The following NEDD4 variants were observed in gnomAD, a reference collection of about 807,000 sequenced individuals.
NEDD4 encodes the protein NEDD4 E3 ubiquitin protein ligase, also known as E3 ubiquitin-protein ligase NEDD4.
NEDD4 carries 99 observed loss-of-function variants against 144.9 expected under a neutral mutation model. That is an observed-to-expected ratio of 0.68 (90% CI 0.58 to 0.81). The LOEUF is 0.81. Ranked by LOEUF, NEDD4 falls within the 30% of genes least tolerant of loss-of-function variation. The pLI, the probability that NEDD4 is intolerant of heterozygous loss-of-function variation, is 0.00. For synonymous variants in NEDD4, 318 were observed against 350.6 expected (o/e 0.91, Z 1.04); for missense variants, 985 against 1,065.9 (o/e 0.92, Z 1.06).
At position 55,895,345 on chromosome 15, in the gene NEDD4, G is replaced by A. The variant is rs113623231; in HGVS notation, c.292-21337C>T. Among the ~76,000 whole-genome samples the A allele has an allele frequency of 6.4e-3, 981 of 152,296 alleles. 13 individuals carry two copies. The highest frequency in any genetic ancestry group is 8.3e-3 in the Admixed American group (127 of 15,286). On this transcript the variant is annotated intron_variant, in intron 5 of 28. Transcript: ENST00000435532. Reference sequence around the variant, plus strand: ...TAAATGAGAAATGAAATCAGCAGACGACTGCTACTGTTGCAAATATAGAGT... The same window carrying A: ...TAAATGAGAAATGAAATCAGCAGACAACTGCTACTGTTGCAAATATAGAGT...
At chr15:55,941,249 C>T (rs2036997653) in intron 4 of NEDD4, among the ~76,000 whole-genome samples, 1 of 152,034 alleles carries the variant, frequency 6.6e-6, no homozygotes, top group Non-Finnish European at 1.5e-5. Flanking sequence ...ACTCTTATTT[C>T]CTTCCTTCTT....
At chr15:55,917,053 T>C in intron 5 of NEDD4, 7 of 1,280,574 alleles carry the variant, frequency 5.5e-6, no homozygotes, top group Non-Finnish European at 6.9e-6. Flanking sequence ...CAAAATGTCT[T>C]GAATCGCTTG....
At chr15:55,868,573 G>A (rs1005836784) in intron 8 of NEDD4, among the ~76,000 whole-genome samples, 1 of 152,058 alleles carries the variant, frequency 6.6e-6, no homozygotes, top group Non-Finnish European at 1.5e-5. Flanking sequence ...ACACTCTCTT[G>A]CCTGCCACCA....
chr15:55,837,319 A>C (rs2033254305), intron 24 of NEDD4, among the ~76,000 whole-genome samples: 1 of 151,762 alleles, frequency 6.6e-6, no homozygotes. Context: ...AATCCCAGCT[A>C]CTCAGGAGGC....
intron 1 of NEDD4, among the ~76,000 whole-genome samples, chr15:55,989,299 T>C (rs1462948962): frequency 6.6e-6 from 1 of 152,222 alleles, no homozygotes; most frequent in Non-Finnish European, 1.5e-5. Flanking sequence ...TTCACTTCTT[T>C]AGTCCCTGCT....
intron 2 of NEDD4, among the ~76,000 whole-genome samples, chr15:55,963,359 T>G (rs906618380): frequency 6.6e-6 from 1 of 152,154 alleles, no homozygotes; most frequent in African/African-American, 2.4e-5. Flanking sequence ...CTTGAACCTC[T>G]GGGCTCAAGT....
intron 8 of NEDD4, among the ~76,000 whole-genome samples, chr15:55,864,441 G>A (rs2034514803): frequency 6.6e-6 from 1 of 152,046 alleles, no homozygotes; most frequent in African/African-American, 2.4e-5. Context: ...CAGCACTTTG[G>A]GAGGCCGAGG....
chr15:55,957,625 T>C (rs1220396260), intron 2 of NEDD4, among the ~76,000 whole-genome samples: 11 of 152,234 alleles, frequency 7.2e-5, no homozygotes, highest in African/African-American at 2.2e-4. Context: ...TTACTGGGTA[T>C]ATACCCAAAG....
At chr15:55,951,246 T>A (rs1595870575) in intron 4 of NEDD4, 130 bp downstream of exon 4, 1 of 485,332 alleles carries the variant, frequency 2.1e-6, no homozygotes, top group East Asian at 5.0e-5. Flanking sequence ...TTCAATTCCT[T>A]TTGTATTTTC....
chr15:55,833,414 C>G (rs12102014), intron 26 of NEDD4, among the ~76,000 whole-genome samples: 49,892 of 151,930 alleles, frequency 0.33, 8,354 homozygotes, highest in South Asian at 0.43. Flanking sequence ...TCCCAGCACT[C>G]TGGGAGGCTG....
At chr15:55,956,145 G>A (rs1270953464) in intron 2 of NEDD4, among the ~76,000 whole-genome samples, 1 of 151,944 alleles carries the variant, frequency 6.6e-6, no homozygotes, top group Non-Finnish European at 1.5e-5. Flanking sequence ...TTTAATTTTT[G>A]TGGGTACATA....
intron 5 of NEDD4, among the ~76,000 whole-genome samples, chr15:55,911,889 A>G (rs1028173359): frequency 1.3e-5 from 2 of 152,138 alleles, no homozygotes; most frequent in African/African-American, 4.8e-5. Context: ...GCTCCCCTAA[A>G]TAGAGACTGT....
chr15:55,899,024 C>A (rs1401244110), intron 5 of NEDD4, among the ~76,000 whole-genome samples: 1 of 152,274 alleles, frequency 6.6e-6, no homozygotes, highest in Admixed American at 6.5e-5. Context: ...GTAGTAAGCA[C>A]AAATGATGCA....
rs2034605607 is a variant in NEDD4, at chr15:55,866,931, T to C, written c.507+2648A>G. On this transcript the variant is annotated intron_variant, in intron 8 of 28. Transcript: ENST00000435532. ...CTAAGTATCAATGAACCTTATTTAA[T>C]TTCTAACCGCAAAGCCAATATGTAA... Among the ~76,000 whole-genome samples, 3 of 152,198 alleles carry C rather than the reference T, an allele frequency of 2.0e-5. No homozygotes were observed. The South Asian group carries it at 6.2e-4, about 31-fold the overall frequency.
intron 5 of NEDD4, among the ~76,000 whole-genome samples, chr15:55,919,647 C>T (rs2036532503): frequency 6.6e-6 from 1 of 152,134 alleles, no homozygotes; most frequent in South Asian, 2.1e-4. Flanking sequence ...ACTGGAGGGA[C>T]ATGGCAGCCC....
At chr15:55,974,396 A>G (rs909439590) in intron 1 of NEDD4, among the ~76,000 whole-genome samples, 2 of 152,180 alleles carry the variant, frequency 1.3e-5, no homozygotes, top group African/African-American at 4.8e-5. Context: ...AGGAGGAGGA[A>G]TACTTTCCAT....
chr15:55,923,645 CA>C lies in NEDD4; in HGVS notation c.291+1000del, dbSNP rs767874914. Among the ~76,000 whole-genome samples, 675 of 123,294 alleles carry C rather than the reference CA, an allele frequency of 5.5e-3. 7 individuals are homozygous for C. Among genetic ancestry groups the C allele is most frequent in the African/African-American group, 0.019 (620 of 33,240 alleles). The allele number at this position is 123,294 out of a possible 152,430, so 80.9% of individuals were successfully genotyped here. A position where few individuals can be genotyped will look rare whatever the true frequency, so the allele number is the denominator to read the frequency against. ...CTGGCGACAAAGCGAGACTCCATCT[CA>C]AAAAAAAAAAAAAATATATATATAT... On this transcript the variant is annotated intron_variant, in intron 5 of 28. Transcript: ENST00000435532.
intron 13 of NEDD4, among the ~76,000 whole-genome samples, chr15:55,851,356 C>T (rs2033973099): frequency 6.6e-6 from 1 of 150,856 alleles, no homozygotes; most frequent in African/African-American, 2.4e-5. Context: ...ACTTACAGGG[C>T]CACAACATCA....
At chr15:55,971,817 C>A (rs975633166) in intron 1 of NEDD4, among the ~76,000 whole-genome samples, 1 of 151,948 alleles carries the variant, frequency 6.6e-6, no homozygotes, top group Non-Finnish European at 1.5e-5. Flanking sequence ...ATTTAGTAAC[C>A]AAACTCCCAA....
Sources: gnomAD v4.1 joint callset for allele counts (sites outside exome capture counted in the v4.1 genomes callset) on GRCh38, gnomAD v4.1.1 for gene constraint, MANE v1.5 for transcripts, NCBI Gene and HGNC (gene_info 2026-07-23, HGNC 2026-07-21) for gene names.